METAP1: variants seen among roughly 807,000 people sequenced by gnomAD.
The protein encoded by METAP1 is methionine aminopeptidase 1.
A neutral mutation model predicts 53.8 loss-of-function variants in METAP1; 28 were observed. That is an observed-to-expected ratio of 0.52 (90% confidence interval 0.39 to 0.71). The LOEUF (loss-of-function observed/expected upper bound fraction) is 0.71, where lower values mean the gene tolerates loss of function less well. Ranked by LOEUF, METAP1 falls within the 30% of genes least tolerant of loss-of-function variation. The pLI is 0.00. For missense variants in METAP1, 389 were observed against 479.8 expected (o/e 0.81, Z 1.77); for synonymous variants, 181 against 165.7 (o/e 1.09, Z -0.71).
intron 1 of METAP1, among the ~76,000 whole-genome samples, chr4:99,020,003 C>G (rs1560703098): frequency 6.6e-6 from 1 of 152,086 alleles, no homozygotes; most frequent in Non-Finnish European, 1.5e-5. Flanking sequence ...GTAGATCCCT[C>G]ATATTCTTCT....
chr4:99,019,139 A>G (rs1723942189), intron 1 of METAP1, among the ~76,000 whole-genome samples: 1 of 152,186 alleles, frequency 6.6e-6, no homozygotes, highest in Non-Finnish European at 1.5e-5. Context: ...ATCTTCTAGG[A>G]TTTTGGCCTT....
intron 1 of METAP1, among the ~76,000 whole-genome samples, chr4:99,011,870 G>T: frequency 6.6e-6 from 1 of 152,190 alleles, no homozygotes; most frequent in East Asian, 1.9e-4. Context: ...AACCTAGGAG[G>T]CGGAGGTTGC....
intron 2 of METAP1, among the ~76,000 whole-genome samples, chr4:99,032,854 T>C (rs1391446512): frequency 6.6e-6 from 1 of 152,242 alleles, no homozygotes; most frequent in Non-Finnish European, 1.5e-5. Context: ...AGTTTTCCTA[T>C]TGATATTAAC....
At chr4:99,039,655 G>A (rs560098591) in intron 5 of METAP1, among the ~76,000 whole-genome samples, 190 bp downstream of exon 5, 5 of 151,238 alleles carry the variant, frequency 3.3e-5, no homozygotes, top group Non-Finnish European at 7.4e-5. Flanking sequence ...GTGCAGTGGC[G>A]TGATCTCTGC....
chr4:99,049,982 A>G (rs536905682), intron 9 of METAP1, among the ~76,000 whole-genome samples: 4 of 152,334 alleles, frequency 2.6e-5, no homozygotes, highest in East Asian at 1.9e-4. Context: ...GGCTTGCTCA[A>G]GGTCACACAA....
Position 99,062,210 on chromosome 4 carries a change from C to A in METAP1, c.*893C>A, listed in dbSNP as rs1217736983. The A allele has an allele frequency of 6.6e-6, 1 of 152,188 alleles. No homozygotes were observed. The highest frequency in any genetic ancestry group is 1.5e-5 in the Non-Finnish European group (1 of 68,048). The allele number at this position is 152,188 out of a possible 1,614,324, so 9.4% of individuals were successfully genotyped here. ...TGCTCAGAGAAGCGTGAAGTTTGCA[C>A]TATGGTGGAGGATGGGGAAAGAGTT... is the stretch of plus-strand genomic sequence containing the variant. On this transcript the variant is annotated 3_prime_UTR_variant, in exon 11 of 11. Transcript: ENST00000296411.
intron 10 of METAP1, among the ~76,000 whole-genome samples, chr4:99,058,714 T>G (rs1727324684): frequency 6.6e-6 from 1 of 152,228 alleles, no homozygotes. Context: ...TTAGAAGTGA[T>G]TCACTGAATC....
At chr4:99,011,714 G>GCTCC (rs1723477336) in intron 1 of METAP1, among the ~76,000 whole-genome samples, 1 of 152,206 alleles carries the variant, frequency 6.6e-6, no homozygotes, top group South Asian at 2.1e-4. Context: ...GCTGAGGCAG[G>GCTCC]CGGATCACCT....
intron 3 of METAP1, among the ~76,000 whole-genome samples, chr4:99,035,193 T>G (rs964489835): frequency 1.3e-5 from 2 of 152,184 alleles, no homozygotes; most frequent in African/African-American, 4.8e-5. Flanking sequence ...CTTAATGGCC[T>G]TGGCCACTTT....
At position 98,995,867 on chromosome 4, in the gene METAP1, G is replaced by A. The variant is rs1722590263; in HGVS notation, c.114G>A (p.Gln38=). 1.3e-6 allele frequency: 2 copies of A among 1,538,928 alleles called. No individual in the cohort carries two copies. The highest frequency in any genetic ancestry group is 1.4e-5 in the African/African-American group (1 of 71,616). ...TCCAGGGCTCGTACTTCTGCTCGCA[G>A]GTAGGCGCCCGCTGCCCCGCGGATA... The part of the protein sequence containing the change: ...LGIQGSYFCS[Q]ECFKGSWATH... The change falls in exon 1 of 11, where the codon CAG becomes CAA. Residue 38 remains glutamine, a splice_region_variant and synonymous_variant. Transcript: ENST00000296411.
intron 9 of METAP1, among the ~76,000 whole-genome samples, chr4:99,055,953 G>A (rs1244133654): frequency 6.6e-6 from 1 of 152,036 alleles, no homozygotes; most frequent in Non-Finnish European, 1.5e-5. Flanking sequence ...TTTTTCAAAT[G>A]ACCTTAGGAT....
At chr4:99,056,106 C>T (rs1415220187) in intron 9 of METAP1, among the ~76,000 whole-genome samples, 1 of 151,860 alleles carries the variant, frequency 6.6e-6, no homozygotes, top group Non-Finnish European at 1.5e-5. Context: ...TTAGACCATT[C>T]CTGGAAAGAG....
chr4:99,018,069 AT>A (rs1723880996), intron 1 of METAP1, among the ~76,000 whole-genome samples: 1 of 152,230 alleles, frequency 6.6e-6, no homozygotes, highest in Non-Finnish European at 1.5e-5. Flanking sequence ...TTTTTAGTTA[AT>A]TTCTCATAAA....
intron 9 of METAP1, among the ~76,000 whole-genome samples, 183 bp from the exon 10 acceptor site, chr4:99,057,570 T>C (rs1727245340): frequency 6.6e-6 from 1 of 152,182 alleles, no homozygotes; most frequent in Admixed American, 6.5e-5. Flanking sequence ...CCTAGGACAA[T>C]ACGTGCACCA....
At chr4:99,045,439 T>A (rs1314520832) in intron 8 of METAP1, 129 bp downstream of exon 8, 1 of 974,690 alleles carries the variant, frequency 1.0e-6, no homozygotes, top group Non-Finnish European at 1.4e-6. Flanking sequence ...TTAGCTTTGG[T>A]TGTTAGCAGT....
In METAP1 at chr4:99,061,418, T is replaced by G; in HGVS notation, c.*101T>G. ...AACCTTTTTTTAATCACTTGTTTTG[T>G]TTTGACTATAGATAAGAAAGGACTA... On this transcript the variant is annotated 3_prime_UTR_variant, in exon 11 of 11. Coordinates refer to ENST00000296411, the MANE Select transcript of METAP1 (RefSeq NM_015143.3). 1 of 1,160,150 alleles carries G rather than the reference T, an allele frequency of 8.6e-7. No individual in the cohort carries two copies. The highest frequency in any genetic ancestry group is 1.2e-6 in the Non-Finnish European group (1 of 827,724). The allele number at this position is 1,160,150 out of a possible 1,614,324, so 71.9% of individuals were successfully genotyped here.
chr4:99,046,414 A>G (rs1277046741), intron 8 of METAP1, among the ~76,000 whole-genome samples: 1 of 152,178 alleles, frequency 6.6e-6, no homozygotes, highest in Non-Finnish European at 1.5e-5. Context: ...AAGAAAAGAA[A>G]AAAAAGAAAG....
intron 1 of METAP1, among the ~76,000 whole-genome samples, chr4:99,000,136 AATAGT>A (rs1260748928): frequency 6.6e-6 from 1 of 152,232 alleles, no homozygotes; most frequent in Non-Finnish European, 1.5e-5. Context: ...GTAAACACTG[AATAGT>A]ATAGTATATT....
At chr4:99,032,491 C>T (rs750266718) in intron 2 of METAP1, among the ~76,000 whole-genome samples, 2 of 152,102 alleles carry the variant, frequency 1.3e-5, no homozygotes, top group African/African-American at 4.8e-5. Context: ...CTTGGCCTCC[C>T]AAGTGCTGGT....
Sources: gnomAD v4.1 joint callset for allele counts (sites outside exome capture counted in the v4.1 genomes callset) on GRCh38, gnomAD v4.1.1 for gene constraint, MANE v1.5 for transcripts, NCBI Gene and HGNC (gene_info 2026-07-23, HGNC 2026-07-21) for gene names.